FHOD3: variants seen among roughly 807,000 people sequenced by gnomAD.
The protein encoded by FHOD3 is FH1/FH2 domain-containing protein 3.
Under a neutral mutation model 173.0 loss-of-function variants are expected in FHOD3, and 90 were observed. That is an observed-to-expected ratio of 0.52 (90% CI 0.44 to 0.62). The LOEUF (loss-of-function observed/expected upper bound fraction) is 0.62, where lower values mean the gene tolerates loss of function less well. FHOD3 is among the 20% of genes least tolerant of loss of function. FHOD3 has a pLI of 0.00. For missense variants in FHOD3, 1,945 were observed against 2,034.7 expected, an observed-to-expected ratio of 0.96 and a Z score of 0.85; for synonymous variants, 828 against 823.0, an observed-to-expected ratio of 1.01 and a Z score of -0.10.
intron 10 of FHOD3, among the ~76,000 whole-genome samples, chr18:36,639,839 T>A (rs1309356861): frequency 6.7e-6 from 1 of 149,542 alleles, no homozygotes; most frequent in East Asian, 2.0e-4. Flanking sequence ...AAACACAAAG[T>A]CAAGGTATAC....
intron 3 of FHOD3, among the ~76,000 whole-genome samples, chr18:36,459,976 T>A (rs1198257408): frequency 1.3e-5 from 2 of 152,202 alleles, no homozygotes; most frequent in African/African-American, 4.8e-5. Context: ...TTGTTTTTGA[T>A]GACCTTGCTA....
intron 3 of FHOD3, among the ~76,000 whole-genome samples, chr18:36,440,170 T>A (rs896228313): frequency 2.0e-5 from 3 of 152,226 alleles, no homozygotes; most frequent in Non-Finnish European, 4.4e-5. Context: ...TCCCAAGTGA[T>A]GCTGATGCTG....
At chr18:36,427,573 A>C (rs2050317902) in intron 3 of FHOD3, among the ~76,000 whole-genome samples, 1 of 152,220 alleles carries the variant, frequency 6.6e-6, no homozygotes. Flanking sequence ...GAGTTGCCTC[A>C]TTTCTCTTTC....
intron 1 of FHOD3, among the ~76,000 whole-genome samples, chr18:36,309,423 C>T (rs2092193628): frequency 6.6e-6 from 1 of 152,200 alleles, no homozygotes; most frequent in South Asian, 2.1e-4. Context: ...TCTTGCCAAA[C>T]ACGGAGATTC....
intron 3 of FHOD3, among the ~76,000 whole-genome samples, chr18:36,477,117 A>T (rs1482349273): frequency 1.3e-5 from 2 of 151,950 alleles, no homozygotes; most frequent in Non-Finnish European, 2.9e-5. Context: ...TTGGAGAGAT[A>T]AGGAGGAGGA....
chr18:36,479,155 C>T (rs536851241), intron 3 of FHOD3, among the ~76,000 whole-genome samples: 1 of 152,266 alleles, frequency 6.6e-6, no homozygotes, highest in East Asian at 1.9e-4. Context: ...AGTAGGTAAC[C>T]TCTGTTTTAC....
chr18:36,340,299 G>T (rs1216212667), intron 1 of FHOD3, among the ~76,000 whole-genome samples: 2 of 152,214 alleles, frequency 1.3e-5, no homozygotes, highest in Non-Finnish European at 2.9e-5. Flanking sequence ...GGAGTGATTT[G>T]CACTGCCTCA....
In FHOD3 at chr18:36,407,915, G is replaced by A. The variant is rs116367972; in HGVS notation, c.337+35171G>A. On this transcript the variant is annotated intron_variant, in intron 3 of 28. Coordinates refer to ENST00000590592, the MANE Select transcript of FHOD3 (RefSeq NM_001281740.3). ...GAGAGCTAGTAGATGATCAATGATTGTTACATAGTTTTCAAGCTGCACAAT... is the reference window on the plus strand; with the variant it reads ...GAGAGCTAGTAGATGATCAATGATTATTACATAGTTTTCAAGCTGCACAAT... Among the ~76,000 whole-genome samples the A allele has an allele frequency of 4.8e-3, 727 of 152,342 alleles. 9 individuals are homozygous for A. Among genetic ancestry groups the A allele is most frequent in the African/African-American group, 0.017 (700 of 41,570 alleles).
intron 24 of FHOD3, among the ~76,000 whole-genome samples, chr18:36,750,462 T>C (rs762574582): frequency 6.6e-5 from 10 of 152,232 alleles, no homozygotes; most frequent in Non-Finnish European, 1.2e-4. Flanking sequence ...GATAGTTTCT[T>C]TTGCTGTGCA....
At chr18:36,625,876 T>C (rs1162212461) in intron 10 of FHOD3, 127 bp downstream of exon 10, 12 of 755,516 alleles carry the variant, frequency 1.6e-5, no homozygotes, top group Non-Finnish European at 2.2e-5. Context: ...CCCTACCTCT[T>C]CTTGACCATT....
rs1567983277 is a variant in FHOD3 at position 36,779,722 on chromosome 18, C to G, written c.*192C>G. 1 of 583,918 alleles carries G rather than the reference C, an allele frequency of 1.7e-6. No homozygotes were observed. Among genetic ancestry groups the G allele is most frequent in the Non-Finnish European group, 3.0e-6 (1 of 328,676 alleles). The allele number at this position is 583,918 out of a possible 1,614,324, so 36.2% of individuals were successfully genotyped here. A position where few individuals can be genotyped will look rare whatever the true frequency, so the allele number is the denominator to read the frequency against. ...GACTTGGATCTCCAGGAGTCCCCTG[C>G]ACATACCTTCTCCATCGTGTCAGCT... is the stretch of plus-strand genomic sequence containing the variant. On this transcript the variant is annotated 3_prime_UTR_variant, in exon 29 of 29. Coordinates refer to ENST00000590592, the MANE Select transcript of FHOD3 (RefSeq NM_001281740.3).
intron 1 of FHOD3, among the ~76,000 whole-genome samples, chr18:36,329,976 G>A (rs571401343): frequency 3.0e-4 from 45 of 152,332 alleles, no homozygotes; most frequent in Non-Finnish European, 5.9e-4. Flanking sequence ...AGAATGCAGT[G>A]ATTGATGAGT....
chr18:36,632,944 G>T (rs535828866), intron 10 of FHOD3, among the ~76,000 whole-genome samples: 1 of 152,296 alleles, frequency 6.6e-6, no homozygotes, highest in African/African-American at 2.4e-5. Flanking sequence ...CCAAGCAGAT[G>T]CCTTAAGAGA....
chr18:36,605,884 C>A (rs1256985353), intron 8 of FHOD3, among the ~76,000 whole-genome samples: 8 of 152,146 alleles, frequency 5.3e-5, no homozygotes, highest in Non-Finnish European at 8.8e-5. Context: ...ATAAAGGCCC[C>A]TAATAACATG....
intron 7 of FHOD3, among the ~76,000 whole-genome samples, chr18:36,599,746 AGTGCAGGTG>A (rs898664215): frequency 6.6e-6 from 1 of 152,202 alleles, no homozygotes; most frequent in African/African-American, 2.4e-5. Context: ...CCGGGGAGTC[AGTGCAGGTG>A]GTCCACCTGG....
intron 16 of FHOD3, among the ~76,000 whole-genome samples, chr18:36,690,127 T>C (rs2038868880): frequency 6.6e-6 from 1 of 152,138 alleles, no homozygotes; most frequent in Non-Finnish European, 1.5e-5. Flanking sequence ...TGTCTCTCTC[T>C]CCCACTGAAC....
intron 3 of FHOD3, among the ~76,000 whole-genome samples, chr18:36,454,948 C>T (rs2052088559): frequency 6.6e-6 from 1 of 152,206 alleles, no homozygotes; most frequent in Non-Finnish European, 1.5e-5. Context: ...TTAGATTTCA[C>T]CTTTCTCTCA....
chr18:36,398,992 C>G (rs2048680634), intron 3 of FHOD3, among the ~76,000 whole-genome samples: 1 of 152,054 alleles, frequency 6.6e-6, no homozygotes, highest in Non-Finnish European at 1.5e-5. Context: ...TTCTGGGAGA[C>G]AGTGTGAGAT....
intron 1 of FHOD3, among the ~76,000 whole-genome samples, chr18:36,328,047 G>A (rs1395990392): frequency 6.6e-6 from 1 of 152,148 alleles, no homozygotes; most frequent in African/African-American, 2.4e-5. Context: ...TGTCTTCCTG[G>A]AAGCTTTCCA....
Sources: gnomAD v4.1 joint callset for allele counts (sites outside exome capture counted in the v4.1 genomes callset) on GRCh38, gnomAD v4.1.1 for gene constraint, MANE v1.5 for transcripts, NCBI Gene and HGNC (gene_info 2026-07-23, HGNC 2026-07-21) for gene names.